Variants in ANK2 observed in about 807,000 individuals in gnomAD.
The protein encoded by ANK2 is ankyrin-2.
A neutral mutation model predicts 360.5 loss-of-function variants in ANK2; 83 were observed. The ratio of observed to expected loss-of-function variants is 0.23; its 90% confidence interval spans 0.19 to 0.28. The LOEUF is 0.28. ANK2 is among the 10% of genes least tolerant of loss of function. The pLI, the probability that ANK2 is intolerant of heterozygous loss-of-function variation, is 1.00. For synonymous variants in ANK2, 1,740 were observed against 1,759.5 expected (o/e 0.99, Z 0.28); for missense variants, 4,201 against 4,795.7 (o/e 0.88, Z 3.66).
chr4:113,353,831 G>T lies in ANK2; in HGVS notation c.5213G>T (p.Gly1738Val). The T allele has an allele frequency of 1.2e-6, 2 of 1,614,030 alleles. No homozygotes were observed. The highest frequency in any genetic ancestry group is 1.7e-6 in the Non-Finnish European group (2 of 1,179,988). ...LKKGSSEESL[G>V]EDPGLAPEPL... Reference sequence around the variant, plus strand: ...AAAGGTAGTTCAGAAGAGTCATTAGGTGAAGACCCAGGTTTAGCCCCTGAA... The same window carrying T: ...AAAGGTAGTTCAGAAGAGTCATTAGTTGAAGACCCAGGTTTAGCCCCTGAA... Residue 1738 changes from glycine (G) to valine (V), a missense_variant, in exon 38 of 46, where the codon GGT becomes GTT. Physicochemically the swap from Gly to Val is moderately radical, Grantham distance 109. Around this residue, in one of 4 missense-constraint regions of ANK2, gnomAD observed 2,642 missense variants for 2,714.5 expected, o/e 0.97. Transcript: ENST00000357077.
chr4:112,740,939 G>A, the ANK2 span, among the ~76,000 whole-genome samples: 63 of 151,900 alleles, frequency 4.1e-4, no homozygotes, highest in African/African-American at 1.3e-3. Context: ...GCAGTGAGCC[G>A]AGATTGCATC....
chr4:113,095,857 C>T (rs1246484085), intron 1 of ANK2, among the ~76,000 whole-genome samples: 2 of 152,204 alleles, frequency 1.3e-5, no homozygotes, highest in Non-Finnish European at 2.9e-5. Context: ...AGGCTCTCAT[C>T]TGTGCTAATG....
At chr4:112,860,492 A>G (rs565834633) in intron 1 of ANK2, among the ~76,000 whole-genome samples, 17 of 152,252 alleles carry the variant, frequency 1.1e-4, no homozygotes, top group African/African-American at 3.9e-4. Flanking sequence ...ACTAGAAAAA[A>G]ACTGAGAAGA....
At chr4:113,247,161 GAA>G in intron 9 of ANK2, among the ~76,000 whole-genome samples, 1 of 121,494 alleles carries the variant, frequency 8.2e-6, no homozygotes, top group Middle Eastern at 4.4e-3. Flanking sequence ...TGATTCTAGA[GAA>G]AAAAAAAAAA....
At chr4:112,818,921 C>T (rs2056160955) in intron 1 of ANK2, among the ~76,000 whole-genome samples, 1 of 152,074 alleles carries the variant, frequency 6.6e-6, no homozygotes, top group African/African-American at 2.4e-5. Context: ...TTTCCTGCAT[C>T]GAAAGCCCAA....
At chr4:113,254,694 A>G (rs2048351440) in intron 10 of ANK2, among the ~76,000 whole-genome samples, 1 of 152,212 alleles carries the variant, frequency 6.6e-6, no homozygotes, top group Admixed American at 6.5e-5. Context: ...TTAAGAATTA[A>G]TGTATTTGTT....
At chr4:112,841,529 T>C (rs765500973) in intron 1 of ANK2, among the ~76,000 whole-genome samples, 1 of 152,194 alleles carries the variant, frequency 6.6e-6, no homozygotes, top group African/African-American at 2.4e-5. Context: ...TGAAGGTGCA[T>C]TGAATCAGAA....
At chr4:113,339,500 T>C (rs2093998351) in intron 32 of ANK2, among the ~76,000 whole-genome samples, 178 bp downstream of exon 32, 1 of 152,232 alleles carries the variant, frequency 6.6e-6, no homozygotes, top group Non-Finnish European at 1.5e-5. Flanking sequence ...ATAGTGATAA[T>C]ACAGTAACAA....
At chr4:113,083,336 T>G (rs1319053115) in intron 1 of ANK2, among the ~76,000 whole-genome samples, 3 of 152,148 alleles carry the variant, frequency 2.0e-5, no homozygotes, top group Admixed American at 6.6e-5. Context: ...CTCGCCACCA[T>G]GCCTGGCTAA....
intron 26 of ANK2, 125 bp from the exon 27 acceptor site, chr4:113,330,121 C>A: frequency 1.1e-6 from 1 of 893,944 alleles, no homozygotes. Context: ...AAGCATTTTA[C>A]CACCATGCAT....
At chr4:112,833,436 A>G (rs1260502418) in intron 1 of ANK2, among the ~76,000 whole-genome samples, 1 of 152,170 alleles carries the variant, frequency 6.6e-6, no homozygotes, top group Admixed American at 6.5e-5. Context: ...ACACTTAATG[A>G]TTAGTTTTGA....
chr4:113,169,768 A>T (rs1049872154), intron 1 of ANK2, among the ~76,000 whole-genome samples: 1 of 152,220 alleles, frequency 6.6e-6, no homozygotes, highest in Non-Finnish European at 1.5e-5. Flanking sequence ...TATTAAAAAC[A>T]TAAAGCCACA....
At chr4:112,820,905 T>TTTTA (rs1161897227) in intron 1 of ANK2, among the ~76,000 whole-genome samples, 3 of 151,928 alleles carry the variant, frequency 2.0e-5, no homozygotes, top group Admixed American at 6.6e-5. Context: ...CCGGGATAAT[T>TTTTA]TTTATTTATT....
intron 1 of ANK2, among the ~76,000 whole-genome samples, chr4:113,060,679 CTTTTTTTT>C (rs58946073): frequency 5.6e-5 from 5 of 89,350 alleles, no homozygotes; most frequent in East Asian, 3.7e-4. Flanking sequence ...ATCTAAAAAG[CTTTTTTTT>C]TTTTTTTTTT....
At chr4:112,815,375 ACT>A (rs2055559065), upstream of ANK2, among the ~76,000 whole-genome samples, 1 of 152,206 alleles carries the variant, frequency 6.6e-6, no homozygotes, top group East Asian at 1.9e-4. Flanking sequence ...AAAAGAATTA[ACT>A]CTGTGATATT....
intron 2 of ANK2, among the ~76,000 whole-genome samples, chr4:113,029,044 A>G (rs1339135026): frequency 6.6e-6 from 1 of 152,126 alleles, no homozygotes; most frequent in Non-Finnish European, 1.5e-5. Flanking sequence ...ATCTGGTGTC[A>G]ACACAATAGA....
Position 113,249,754 on chromosome 4 carries a change from C to G in ANK2, c.892-10C>G, listed in dbSNP as rs772982074. 4.3e-6 allele frequency: 7 copies of G among 1,613,608 alleles called. No homozygotes were observed. The highest frequency in any genetic ancestry group is 5.1e-6 in the Non-Finnish European group (6 of 1,179,802). ...TGAACTTGGGCCTAATTCTTTAATT[C>G]TTTTGGCAGGATGGGTTGACACCAC... On this transcript the variant is annotated splice_polypyrimidine_tract_variant and intron_variant, in intron 9 of 45. Coordinates refer to ENST00000357077, the MANE Select transcript of ANK2 (RefSeq NM_001148.6).
chr4:113,340,594 G>A (rs1223765377), intron 32 of ANK2, among the ~76,000 whole-genome samples: 1 of 152,158 alleles, frequency 6.6e-6, no homozygotes, highest in Non-Finnish European at 1.5e-5. Context: ...AACCAGGGAG[G>A]TTGAGGCGGG....
chr4:112,832,516 A>C (rs1159883687), intron 1 of ANK2, among the ~76,000 whole-genome samples: 1 of 152,240 alleles, frequency 6.6e-6, no homozygotes, highest in East Asian at 1.9e-4. Context: ...CTCTGTGCTT[A>C]CTAAAATTTT....
Sources: gnomAD v4.1 joint callset for allele counts (sites outside exome capture counted in the v4.1 genomes callset) on GRCh38, gnomAD v4.1.1 for gene constraint, gnomAD v4.1.1 regional missense constraint, MANE v1.5 for transcripts, NCBI Gene and HGNC (gene_info 2026-07-23, HGNC 2026-07-21) for gene names.